HIP1: variants seen among roughly 807,000 people sequenced by gnomAD.
HIP1 encodes huntingtin-interacting protein 1.
A neutral mutation model predicts 147.6 loss-of-function variants in HIP1; 65 were observed. That is an observed-to-expected ratio of 0.44 (90% CI 0.36 to 0.54). HIP1 has a LOEUF of 0.54. Ranked by LOEUF, HIP1 falls within the 20% of genes least tolerant of loss-of-function variation. HIP1 has a pLI of 0.00. For synonymous variants in HIP1, 479 were observed against 504.0 expected, an observed-to-expected ratio of 0.95 and a Z score of 0.67; for missense variants, 1,061 against 1,299.6, an observed-to-expected ratio of 0.82 and a Z score of 2.82.
chr7:75,641,360 C>T (rs990882407), intron 1 of HIP1, among the ~76,000 whole-genome samples: 3 of 152,042 alleles, frequency 2.0e-5, no homozygotes, highest in African/African-American at 7.2e-5. Flanking sequence ...TGGACTCAAG[C>T]AATCCACCTG....
chr7:75,619,583 G>T (rs1797777055), intron 1 of HIP1, among the ~76,000 whole-genome samples: 1 of 151,878 alleles, frequency 6.6e-6, no homozygotes, highest in Non-Finnish European at 1.5e-5. Flanking sequence ...AATAAAGATG[G>T]TGGAAATGTG....
intron 4 of HIP1, among the ~76,000 whole-genome samples, chr7:75,590,578 A>G (rs1796468329): frequency 6.6e-6 from 1 of 152,200 alleles, no homozygotes; most frequent in South Asian, 2.1e-4. Flanking sequence ...AATAGACTAA[A>G]TGCCCAGTTA....
At chr7:75,722,949 AACG>A (rs782651598) in intron 1 of HIP1, among the ~76,000 whole-genome samples, 15 of 152,120 alleles carry the variant, frequency 9.9e-5, no homozygotes, top group Non-Finnish European at 4.4e-5. Flanking sequence ...GCACCAATGA[AACG>A]ACAAGTATTC....
At chr7:75,692,143 C>G (rs146063533) in intron 1 of HIP1, among the ~76,000 whole-genome samples, 8 of 152,284 alleles carry the variant, frequency 5.3e-5, no homozygotes, top group Non-Finnish European at 1.0e-4. Flanking sequence ...TGTCTCCCCC[C>G]GTCCCAATTC....
chr7:75,546,510 C>T (rs1018372417), intron 25 of HIP1, among the ~76,000 whole-genome samples: 1 of 152,130 alleles, frequency 6.6e-6, no homozygotes, highest in Non-Finnish European at 1.5e-5. Context: ...CGAAGTGGTG[C>T]GTTGATAAGA....
intron 1 of HIP1, among the ~76,000 whole-genome samples, chr7:75,624,619 C>T (rs1554507716): frequency 6.6e-6 from 1 of 152,200 alleles, no homozygotes; most frequent in Non-Finnish European, 1.5e-5. Context: ...ATGTCAGAAA[C>T]ATCCAGGGCT....
At chr7:75,644,488 C>T (rs995175544) in intron 1 of HIP1, among the ~76,000 whole-genome samples, 3 of 151,980 alleles carry the variant, frequency 2.0e-5, no homozygotes, top group African/African-American at 7.2e-5. Context: ...AGAGATGGGG[C>T]TTCACCATGT....
At chr7:75,559,378 A>G (rs781718180) in intron 14 of HIP1, among the ~76,000 whole-genome samples, 22 of 152,096 alleles carry the variant, frequency 1.4e-4, no homozygotes, top group Non-Finnish European at 2.5e-4. Flanking sequence ...GGCCTCCCAG[A>G]GTGCTAGGAT....
At chr7:75,541,101 C>A (rs1300955339) in intron 29 of HIP1, among the ~76,000 whole-genome samples, 2 of 146,942 alleles carry the variant, frequency 1.4e-5, no homozygotes, top group Admixed American at 1.4e-4. Context: ...CCGTCTCTAT[C>A]TTATTTAAAA....
At chr7:75,610,448 G>A (rs1420314107) in intron 1 of HIP1, among the ~76,000 whole-genome samples, 4 of 151,860 alleles carry the variant, frequency 2.6e-5, no homozygotes, top group Admixed American at 1.3e-4. Flanking sequence ...AGGCTCAAGT[G>A]ACCCTCCCCC....
At chr7:75,688,601 G>A (rs1245891180) in intron 1 of HIP1, among the ~76,000 whole-genome samples, 4 of 152,010 alleles carry the variant, frequency 2.6e-5, no homozygotes, top group Non-Finnish European at 4.4e-5. Context: ...TCCACCCGCC[G>A]TCCGGGTCTG....
At chr7:75,546,835 C>T (rs1554491110) in intron 25 of HIP1, 104 bp downstream of exon 25, 5 of 813,238 alleles carry the variant, frequency 6.1e-6, no homozygotes, top group Non-Finnish European at 1.0e-5. Flanking sequence ...GCTCTGTACT[C>T]AGGTGGACAC....
intron 1 of HIP1, among the ~76,000 whole-genome samples, chr7:75,602,527 G>A (rs1255189452): frequency 2.7e-5 from 3 of 110,106 alleles, no homozygotes; most frequent in African/African-American, 7.4e-5. Flanking sequence ...TTTTTGAGAC[G>A]GAGTCTCGCT....
intron 19 of HIP1, among the ~76,000 whole-genome samples, 173 bp downstream of exon 19, chr7:75,555,243 C>A (rs587677569): frequency 7.3e-6 from 1 of 137,358 alleles, no homozygotes; most frequent in East Asian, 2.2e-4. Context: ...GGCACTAATG[C>A]ACAGAGTTTC....
At chr7:75,652,572 C>T (rs2117191446) in intron 1 of HIP1, among the ~76,000 whole-genome samples, 1 of 151,896 alleles carries the variant, frequency 6.6e-6, no homozygotes, top group Middle Eastern at 3.4e-3. Flanking sequence ...TTTTTGTTGC[C>T]TGGGCTGGTC....
chr7:75,634,599 C>A (rs1798358157), intron 1 of HIP1, among the ~76,000 whole-genome samples: 1 of 152,002 alleles, frequency 6.6e-6, no homozygotes, highest in Non-Finnish European at 1.5e-5. Flanking sequence ...CCCTGCCTTC[C>A]TCATGGGGTT....
chr7:75,705,722 C>A (rs1033479926), intron 1 of HIP1, among the ~76,000 whole-genome samples: 1 of 152,102 alleles, frequency 6.6e-6, no homozygotes, highest in African/African-American at 2.4e-5. Flanking sequence ...CTTATCCATT[C>A]ATCCACTGAT....
At chr7:75,547,895 T>C (rs1794631700) in intron 23 of HIP1, 82 bp from the exon 24 acceptor site, 6 of 1,269,982 alleles carry the variant, frequency 4.7e-6, no homozygotes, top group Non-Finnish European at 5.8e-6. Context: ...CAGTCCAACA[T>C]CGTGTGGTAG....
intron 1 of HIP1, among the ~76,000 whole-genome samples, chr7:75,656,898 CAT>C (rs1373197422): frequency 3.9e-5 from 6 of 152,214 alleles, no homozygotes; most frequent in African/African-American, 1.4e-4. Flanking sequence ...CAAATATACA[CAT>C]AGTCTGACCC....
Sources: gnomAD v4.1 joint callset for allele counts (sites outside exome capture counted in the v4.1 genomes callset) on GRCh38, gnomAD v4.1.1 for gene constraint, MANE v1.5 for transcripts, NCBI Gene and HGNC (gene_info 2026-07-23, HGNC 2026-07-21) for gene names.